Variants in RAB36 observed in about 807,000 individuals in gnomAD.
RAB36 encodes ras-related protein Rab-36.
In RAB36, 33 loss-of-function variants were observed where a neutral mutation model predicts 39.3. That is an observed-to-expected ratio of 0.84 (90% CI 0.64 to 1.12). RAB36 has a LOEUF of 1.12. Among genes scored for constraint, RAB36 ranks in the 50% most tolerant of loss-of-function variants. The pLI, the probability that RAB36 is intolerant of heterozygous loss-of-function variation, is 0.00. For missense variants in RAB36, 308 were observed against 355.3 expected (o/e 0.87, Z 1.07); for synonymous variants, 133 against 140.2 (o/e 0.95, Z 0.36).
Position 23,153,066 on chromosome 22 carries a change from G to A in RAB36, c.261G>A (p.Lys87=). Residue 87 remains lysine, a synonymous_variant, in exon 5 of 11, where the codon AAG becomes AAA. Coordinates refer to ENST00000263116, the MANE Select transcript of RAB36 (RefSeq NM_004914.5). ...FCKNVFDRDY[K]ATIGVDFEIE... ...AGAATGTTTTTGATCGAGACTACAA[G>A]GCCACCATTGGGGTGGACTTTGAAA... 1 of 1,614,126 alleles carries A rather than the reference G, an allele frequency of 6.2e-7. No homozygotes were observed. The highest frequency in any genetic ancestry group is 1.7e-5 in the Admixed American group (1 of 60,010).
intron 3 of RAB36, among the ~76,000 whole-genome samples, chr22:23,151,208 G>A (rs555759144): frequency 6.6e-6 from 1 of 152,342 alleles, no homozygotes; most frequent in African/African-American, 2.4e-5. Context: ...CATGGTGGTG[G>A]GATGAGAGTA....
At chr22:23,151,116 G>A (rs2071096293) in intron 3 of RAB36, among the ~76,000 whole-genome samples, 1 of 152,262 alleles carries the variant, frequency 6.6e-6, no homozygotes, top group Admixed American at 6.5e-5. Context: ...GGTGCGATGA[G>A]GCTGCCAGAG....
chr22:23,166,147 TAAAA>T (rs695297), downstream of RAB36, among the ~76,000 whole-genome samples: 12,242 of 59,658 alleles, frequency 0.21, 1,409 homozygotes, highest in East Asian at 0.35. Flanking sequence ...CTCTGTCTTT[TAAAA>T]AAAAAAAAAA....
chr22:23,161,602 A>C lies in RAB36; in HGVS notation c.*38A>C. The C allele has an allele frequency of 6.6e-7, 1 of 1,513,864 alleles. No homozygotes were observed. The highest frequency in any genetic ancestry group is 9.0e-7 in the Non-Finnish European group (1 of 1,105,578). 93.8% of individuals were successfully genotyped at this position (1,513,864 alleles called of 1,614,324 possible). Reference sequence around the variant, plus strand: ...TGGAAGGCCTCCGCTCCCTGCACACACACGGACAGGAATTTCCGTGACTGT... The same window carrying C: ...TGGAAGGCCTCCGCTCCCTGCACACCCACGGACAGGAATTTCCGTGACTGT... On this transcript the variant is annotated 3_prime_UTR_variant, in exon 11 of 11. Coordinates refer to ENST00000263116, the MANE Select transcript of RAB36 (RefSeq NM_004914.5).
At chr22:23,160,486 G>A (rs142389434) in intron 9 of RAB36, among the ~76,000 whole-genome samples, 73 of 152,338 alleles carry the variant, frequency 4.8e-4, no homozygotes, top group African/African-American at 1.3e-3. Context: ...CAGCCCCACC[G>A]GACAGGTATG....
chr22:23,159,190 G>A lies in RAB36; in HGVS notation c.556G>A (p.Ala186Thr). 6.2e-7 allele frequency: 1 copy of A among 1,611,142 alleles called. No homozygotes were observed. The highest frequency in any genetic ancestry group is 8.5e-7 in the Non-Finnish European group (1 of 1,179,056). ...AGGGGCCGCATGTGAGCAGGCCGAA[G>A]CAGACGCTGTGCACCTGGCCAGGGA... ...LSGAACEQAE[A>T]DAVHLAREMQ... is the part of the protein sequence containing the mutation. The change falls in exon 9 of 11, where the codon GCA becomes ACA. Residue 186 changes from alanine (A) to threonine (T), a missense_variant. Coordinates refer to ENST00000263116, the MANE Select transcript of RAB36 (RefSeq NM_004914.5).
chr22:23,159,154 T>A lies in RAB36; in HGVS notation c.529-9T>A. The A allele has an allele frequency of 1.9e-6, 3 of 1,610,988 alleles. No homozygotes were observed. Among genetic ancestry groups the A allele is most frequent in the Non-Finnish European group, 1.7e-6 (2 of 1,178,910 alleles). On this transcript the variant is annotated splice_polypyrimidine_tract_variant and intron_variant, in intron 8 of 10. Coordinates refer to ENST00000263116, the MANE Select transcript of RAB36 (RefSeq NM_004914.5). ...GGGACGCTGGGTCAACAAGGGCCAT[T>A]TCTCCCAGTCAGGGGCCGCATGTGA...
chr22:23,157,151 C>T (rs2071499088), intron 6 of RAB36, among the ~76,000 whole-genome samples: 1 of 152,202 alleles, frequency 6.6e-6, no homozygotes, highest in African/African-American at 2.4e-5. Flanking sequence ...CGGTTTTCTG[C>T]CCACCTGGCT....
intron 7 of RAB36, among the ~76,000 whole-genome samples, chr22:23,158,618 C>G (rs1054607383): frequency 6.6e-6 from 1 of 152,220 alleles, no homozygotes; most frequent in Non-Finnish European, 1.5e-5. Flanking sequence ...GATAAACATG[C>G]AGGGCTCATG....
At chr22:23,166,942 T>C (rs2072062947), downstream of RAB36, among the ~76,000 whole-genome samples, 1 of 152,068 alleles carries the variant, frequency 6.6e-6, no homozygotes, top group Non-Finnish European at 1.5e-5. Flanking sequence ...GCCAGCCCCG[T>C]ATGCAGTGAG....
In RAB36 at chr22:23,156,021, GGGGTGCCCA is replaced by G. The variant is rs1569212665; in HGVS notation, c.389_394+3del. The G allele has an allele frequency of 6.2e-7, 1 of 1,612,050 alleles. No individual in the cohort carries two copies. Among genetic ancestry groups the G allele is most frequent in the South Asian group, 1.1e-5 (1 of 90,674 alleles). ...AAGTGCATCGCATCTGCCTACTACCGGGGTGCCCAGGGTGAGCAACATGCCACGTCGGGG... is the reference window on the plus strand; with the variant it reads ...AAGTGCATCGCATCTGCCTACTACCGGGGTGAGCAACATGCCACGTCGGGG... On this transcript the variant is annotated inframe_deletion and splice_region_variant, in exon 6 of 11. Coordinates refer to ENST00000263116, the MANE Select transcript of RAB36 (RefSeq NM_004914.5).
At position 23,161,732 on chromosome 22, in the gene RAB36, C is replaced by T. The variant is rs543374094; in HGVS notation, c.*168C>T. Reference sequence around the variant, plus strand: ...ACCGGGCTCAGCTCCAGGGCACAGTCACTTGTCCGTTGCAGGTTGGGCACT... The same window carrying T: ...ACCGGGCTCAGCTCCAGGGCACAGTTACTTGTCCGTTGCAGGTTGGGCACT... On this transcript the variant is annotated 3_prime_UTR_variant, in exon 11 of 11. Coordinates refer to ENST00000263116, the MANE Select transcript of RAB36 (RefSeq NM_004914.5). 8.1e-6 allele frequency: 5 copies of T among 617,908 alleles called. No individual in the cohort carries two copies. The South Asian group carries it at 9.8e-5, about 12-fold the overall frequency. 38.3% of individuals were successfully genotyped at this position (617,908 alleles called of 1,614,324 possible).
In RAB36 at chr22:23,161,584, C is replaced by T. The variant is rs1291885043; in HGVS notation, c.*20C>T. The T allele has an allele frequency of 6.4e-7, 1 of 1,570,092 alleles. No individual in the cohort carries two copies. ...TGCTAACTGGGGCCTGCGTGGAAGG[C>T]CTCCGCTCCCTGCACACACACGGAC... On this transcript the variant is annotated 3_prime_UTR_variant, in exon 11 of 11. Transcript: ENST00000263116.
intron 7 of RAB36, 27 bp from the exon 8 acceptor site, chr22:23,158,871 C>T: frequency 6.2e-7 from 1 of 1,601,818 alleles, no homozygotes; most frequent in Non-Finnish European, 8.5e-7. Flanking sequence ...ATGGGTGAAT[C>T]TCTCAGCCTC....
At chr22:23,157,600 C>A (rs763998581) in intron 6 of RAB36, among the ~76,000 whole-genome samples, 2 of 152,200 alleles carry the variant, frequency 1.3e-5, no homozygotes, top group Non-Finnish European at 2.9e-5. Flanking sequence ...TTAATCCTCA[C>A]AGCAACCCTG....
intron 5 of RAB36, chr22:23,153,517 G>C (rs573364835): frequency 3.1e-6 from 3 of 967,484 alleles, no homozygotes; most frequent in African/African-American, 1.8e-5. Context: ...CTGAGCCTCT[G>C]TTCCCACCTG....
Position 23,146,651 on chromosome 22 carries a change from T to G in RAB36, c.35T>G (p.Val12Gly). 6.2e-7 allele frequency: 1 copy of G among 1,614,046 alleles called. No homozygotes were observed. Among genetic ancestry groups the G allele is most frequent in the Non-Finnish European group, 8.5e-7 (1 of 1,179,902 alleles). The change falls in exon 2 of 11, where the codon GTG becomes GGG. Residue 12 changes from valine (V) to glycine (G), a missense_variant. Transcript: ENST00000263116. ...TCCCTGACACCTTTGGGGCCCCCTG[T>G]GAGCCGCGACCGTGTCATCGCCAGC... ...RSSLTPLGPP[V>G]SRDRVIASFP...
At chr22:23,154,372 G>A (rs966148837) in intron 5 of RAB36, among the ~76,000 whole-genome samples, 5 of 152,204 alleles carry the variant, frequency 3.3e-5, no homozygotes, top group African/African-American at 7.2e-5. Context: ...TAACTCTGTC[G>A]AGATAGTGCC....
At position 23,152,543 on chromosome 22, in the gene RAB36, G is replaced by A; in HGVS notation, c.227+17G>A. Reference sequence around the variant, plus strand: ...CATCCACAGGTACAAGGCTTCCTCTGCCCCTTTGGCCACCTCCCCCAGCAC... The same window carrying A: ...CATCCACAGGTACAAGGCTTCCTCTACCCCTTTGGCCACCTCCCCCAGCAC... On this transcript the variant is annotated intron_variant, in intron 4 of 10. Coordinates refer to ENST00000263116, the MANE Select transcript of RAB36 (RefSeq NM_004914.5). 6.2e-7 allele frequency: 1 copy of A among 1,613,212 alleles called. No homozygotes were observed. Among genetic ancestry groups the A allele is most frequent in the Non-Finnish European group, 8.5e-7 (1 of 1,179,116 alleles).
Sources: allele counts gnomAD v4.1 joint callset (sites outside exome capture counted in the v4.1 genomes callset), GRCh38; gene constraint gnomAD v4.1.1; transcripts MANE v1.5; gene names NCBI Gene and HGNC (gene_info 2026-07-23, HGNC 2026-07-21).